ADGRL2: variants seen among roughly 807,000 people sequenced by gnomAD.
The protein encoded by ADGRL2 is calcium-independent alpha-latrotoxin receptor 2.
In ADGRL2, 44 loss-of-function variants were observed where a neutral mutation model predicts 157.4. That is an observed-to-expected ratio of 0.28 (90% confidence interval 0.22 to 0.36). ADGRL2 has a LOEUF of 0.36. ADGRL2 is among the 10% of genes least tolerant of loss of function. The pLI is 1.00. For missense variants in ADGRL2, 1,510 were observed against 1,768.9 expected (o/e 0.85, Z 2.63); for synonymous variants, 585 against 624.7 (o/e 0.94, Z 0.95).
intron 1 of ADGRL2, among the ~76,000 whole-genome samples, chr1:81,427,784 T>G (rs954917069): frequency 1.3e-5 from 2 of 152,162 alleles, no homozygotes; most frequent in Admixed American, 1.3e-4. Flanking sequence ...ACAGGAAACC[T>G]TCTTGTTCAG....
chr1:81,622,121 T>C (rs1292904271), intron 3 of ADGRL2, among the ~76,000 whole-genome samples: 1 of 152,182 alleles, frequency 6.6e-6, no homozygotes, highest in Non-Finnish European at 1.5e-5. Flanking sequence ...TAACTTTTTT[T>C]CTCATCATTA....
chr1:81,971,398 C>T (rs1308783978), intron 16 of ADGRL2, among the ~76,000 whole-genome samples: 2 of 152,162 alleles, frequency 1.3e-5, no homozygotes, highest in Admixed American at 6.5e-5. Flanking sequence ...TGTTTTGCAA[C>T]AAACATAACA....
intron 2 of ADGRL2, among the ~76,000 whole-genome samples, chr1:81,789,073 T>A (rs1218391024): frequency 1.3e-5 from 2 of 152,154 alleles, no homozygotes; most frequent in African/African-American, 2.4e-5. Context: ...AGATGATAGA[T>A]TAAAAAATGA....
chr1:81,584,028 A>G (rs2080971684), intron 3 of ADGRL2, among the ~76,000 whole-genome samples: 1 of 152,146 alleles, frequency 6.6e-6, no homozygotes, highest in African/African-American at 2.4e-5. Flanking sequence ...CTATGAGAAA[A>G]TAGCCTGATT....
intron 1 of ADGRL2, among the ~76,000 whole-genome samples, chr1:81,755,109 G>T (rs1227398704): frequency 2.0e-5 from 3 of 146,490 alleles, no homozygotes; most frequent in Non-Finnish European, 4.5e-5. Context: ...GGGCACATAA[G>T]TTCTCTTTTA....
intron 3 of ADGRL2, among the ~76,000 whole-genome samples, chr1:81,642,413 CTG>C (rs1425306308): frequency 6.7e-6 from 1 of 150,008 alleles, no homozygotes; most frequent in Non-Finnish European, 1.5e-5. Flanking sequence ...GAGCAAGACT[CTG>C]TCTCAAAAAA....
At chr1:81,423,547 A>C (rs2101562422) in intron 1 of ADGRL2, among the ~76,000 whole-genome samples, 1 of 152,332 alleles carries the variant, frequency 6.6e-6, no homozygotes, top group Non-Finnish European at 1.5e-5. Flanking sequence ...GGGACTCTAT[A>C]ACTCAGATTC....
chr1:81,385,051 G>C (rs901531520), intron 1 of ADGRL2, among the ~76,000 whole-genome samples: 4 of 152,074 alleles, frequency 2.6e-5, no homozygotes, highest in Non-Finnish European at 4.4e-5. Flanking sequence ...TACGTTGCCT[G>C]TACTCAGGTA....
At chr1:81,619,967 C>T (rs2081754454) in intron 3 of ADGRL2, among the ~76,000 whole-genome samples, 5 of 151,876 alleles carry the variant, frequency 3.3e-5, no homozygotes, top group Admixed American at 2.6e-4. Flanking sequence ...TAGTAAGTAA[C>T]GGGTTGTTTT....
intron 1 of ADGRL2, chr1:81,722,138 A>C (rs1166911071): frequency 2.8e-6 from 1 of 360,432 alleles, no homozygotes; most frequent in African/African-American, 2.1e-5. Flanking sequence ...TAAAAAATAT[A>C]AAAAATTAGC....
Position 81,966,585 on chromosome 1 carries a change from G to T in ADGRL2, c.2325G>T (p.Val775=), listed in dbSNP as rs919017785. 6.2e-6 allele frequency: 10 copies of T among 1,613,858 alleles called. No homozygotes were observed. The highest frequency in any genetic ancestry group is 1.6e-4 in the Middle Eastern group (1 of 6,084). The change falls in exon 13 of 24, where the codon GTG becomes GTT. Residue 775 remains valine, a synonymous_variant. Transcript: ENST00000686636. Reference sequence around the variant, plus strand: ...GCCGAGTATACCTGACTGATCCTGTGCTTTTTACCCTGCCACACATTGATG... The same window carrying T: ...GCCGAGTATACCTGACTGATCCTGTTCTTTTTACCCTGCCACACATTGATG... ...ESSRVYLTDP[V]LFTLPHIDPD...
At chr1:81,946,703 A>G (rs976499334) in intron 6 of ADGRL2, among the ~76,000 whole-genome samples, 3 of 152,186 alleles carry the variant, frequency 2.0e-5, no homozygotes, top group African/African-American at 7.2e-5. Context: ...TATATAGCAT[A>G]GAATTCATAC....
At chr1:81,571,207 C>G (rs956181312) in intron 2 of ADGRL2, among the ~76,000 whole-genome samples, 6 of 151,666 alleles carry the variant, frequency 4.0e-5, no homozygotes, top group African/African-American at 1.5e-4. Flanking sequence ...CACCTATAAT[C>G]CCAGCTAATC....
chr1:81,706,026 T>C (rs1361646826), intron 1 of ADGRL2, among the ~76,000 whole-genome samples: 2 of 151,816 alleles, frequency 1.3e-5, no homozygotes, highest in Non-Finnish European at 2.9e-5. Context: ...CTGGCCAACA[T>C]AGTCTCTACT....
At chr1:81,684,079 T>G (rs1473624599) in intron 3 of ADGRL2, among the ~76,000 whole-genome samples, 3 of 152,172 alleles carry the variant, frequency 2.0e-5, no homozygotes, top group Non-Finnish European at 2.9e-5. Flanking sequence ...CCTCCCGAAG[T>G]GCTGGGATTA....
chr1:81,888,027 A>G (rs945788389), intron 2 of ADGRL2, among the ~76,000 whole-genome samples: 3 of 152,218 alleles, frequency 2.0e-5, no homozygotes, highest in African/African-American at 7.2e-5. Flanking sequence ...ATACTTAGGC[A>G]TTTGGAATTT....
intron 1 of ADGRL2, among the ~76,000 whole-genome samples, chr1:81,313,861 C>T (rs1363044379): frequency 2.6e-5 from 4 of 151,934 alleles, no homozygotes; most frequent in African/African-American, 9.7e-5. Flanking sequence ...TTCATTGATT[C>T]CCTCATCATT....
intron 3 of ADGRL2, among the ~76,000 whole-genome samples, chr1:81,582,156 C>A (rs1319243842): frequency 6.6e-6 from 1 of 151,966 alleles, no homozygotes; most frequent in African/African-American, 2.4e-5. Flanking sequence ...GGAGGTGGAG[C>A]TTGCGGTGAG....
At chr1:81,489,387 AAG>A (rs2078582072) in intron 2 of ADGRL2, among the ~76,000 whole-genome samples, 1 of 152,178 alleles carries the variant, frequency 6.6e-6, no homozygotes, top group Non-Finnish European at 1.5e-5. Flanking sequence ...AGCAAACTTG[AAG>A]ACAGGACAAT....
Sources: allele counts gnomAD v4.1 joint callset (sites outside exome capture counted in the v4.1 genomes callset), GRCh38; gene constraint gnomAD v4.1.1; transcripts MANE v1.5; gene names NCBI Gene and HGNC (gene_info 2026-07-23, HGNC 2026-07-21).